SORCS3: variants seen among roughly 807,000 people sequenced by gnomAD.
SORCS3 encodes the protein VPS10 domain-containing receptor SorCS3.
A neutral mutation model predicts 146.3 loss-of-function variants in SORCS3; 57 were observed. The ratio of observed to expected loss-of-function variants is 0.39; its 90% CI spans 0.31 to 0.49. The LOEUF (loss-of-function observed/expected upper bound fraction) is 0.49. Among genes scored for constraint, SORCS3 ranks in the 20% least tolerant of loss-of-function variants. The probability of loss-of-function intolerance (pLI) is 0.92; values close to 1 mark genes in which losing one functional copy is unlikely to be tolerated. For synonymous variants in SORCS3, 653 were observed against 618.5 expected (o/e 1.06, Z -0.83); for missense variants, 1,341 against 1,575.5 (o/e 0.85, Z 2.52).
chr10:104,801,425 T>G (rs2017622691), intron 1 of SORCS3, among the ~76,000 whole-genome samples: 2 of 152,110 alleles, frequency 1.3e-5, no homozygotes, highest in Non-Finnish European at 2.9e-5. Flanking sequence ...AAAATGGGAG[T>G]AAGAATGTCT....
chr10:105,232,578 A>G (rs1480424772), intron 20 of SORCS3, among the ~76,000 whole-genome samples: 2 of 148,956 alleles, frequency 1.3e-5, no homozygotes, highest in Non-Finnish European at 3.0e-5. Flanking sequence ...TTTTCTGCTT[A>G]CCTTGGAGTT....
Position 105,217,032 on chromosome 10 carries a change from G to A in SORCS3, c.2644G>A (p.Val882Met), listed in dbSNP as rs369131118. 2.1e-5 allele frequency: 34 copies of A among 1,614,058 alleles called. No individual in the cohort carries two copies. The highest frequency in any genetic ancestry group is 1.8e-4 in the East Asian group (8 of 44,890). ...CCCCATCGAGGACGGCATCAAGCAC[G>A]TGTATAAGAGTGCGGGGATCTTCCA... Reference protein sequence around the residue: ...FSPIEDGIKHVYKSAGIFQVT... With the variant: ...FSPIEDGIKHMYKSAGIFQVT... Residue 882 changes from valine (V) to methionine (M), a missense_variant, in exon 19 of 27, where the codon GTG (valine) becomes ATG (methionine). Physicochemically the swap from Val to Met is conservative, Grantham distance 21. Coordinates refer to ENST00000369701, the MANE Select transcript of SORCS3 (RefSeq NM_014978.3).
Position 104,915,893 on chromosome 10 carries a change from C to G in SORCS3, c.756C>G (p.Val252=), listed in dbSNP as rs745635457. 6 of 1,614,006 alleles carry G rather than the reference C, an allele frequency of 3.7e-6. No homozygotes were observed. Among genetic ancestry groups the G allele is most frequent in the Non-Finnish European group, 4.2e-6 (5 of 1,179,980 alleles). Residue 252 remains valine, a synonymous_variant, in exon 3 of 27, where the codon GTC becomes GTG. Transcript: ENST00000369701. ...ATGACAAAGTGGGTTTGAAGACTGT[C>G]CTCAGTTACCTCTATGTCAATCCAA... ...KLNDKVGLKT[V]LSYLYVNPTN...
intron 18 of SORCS3, among the ~76,000 whole-genome samples, chr10:105,215,985 G>C (rs531977087): frequency 1.4e-5 from 2 of 140,778 alleles, no homozygotes; most frequent in Non-Finnish European, 3.1e-5. Flanking sequence ...ATGGTGGGGT[G>C]GGGGGGTGGG....
rs55880149 is a variant in SORCS3, at chr10:104,952,255, GAAAAAAAAAAAAAAAAAAA to G, written c.796-25066_796-25048del. Among the ~76,000 whole-genome samples, 3 of 40,608 alleles carry G rather than the reference GAAAAAAAAAAAAAAAAAAA, an allele frequency of 7.4e-5. No individual in the cohort carries two copies. In the Admixed American group the frequency reaches 1.4e-3, roughly 20 times the overall value. 26.6% of individuals were successfully genotyped at this position (40,608 alleles called of 152,430 possible). On this transcript the variant is annotated intron_variant, in intron 3 of 26. Transcript: ENST00000369701. ...GTGATTCTGGTGCACATGAATGTTT[GAAAAAAAAAAAAAAAAAAA>G]AAAAAAAAAAAAATCACAGCATGAC...
intron 1 of SORCS3, among the ~76,000 whole-genome samples, chr10:104,772,381 G>C (rs552500969): frequency 6.6e-6 from 1 of 152,150 alleles, no homozygotes; most frequent in Non-Finnish European, 1.5e-5. Context: ...ATTGATCCTA[G>C]GGGCCAGCTT....
At chr10:104,722,810 G>A (rs563453560) in intron 1 of SORCS3, among the ~76,000 whole-genome samples, 1 of 152,132 alleles carries the variant, frequency 6.6e-6, no homozygotes, top group South Asian at 2.1e-4. Context: ...TATTTCTGTG[G>A]GATCGGTGGT....
rs1027039186 is a variant in SORCS3 at position 105,223,214 on chromosome 10, C to G, written c.2833C>G (p.Leu945Val). The change falls in exon 20 of 27, where the codon CTT (leucine) becomes GTT (valine). Residue 945 changes from leucine to valine, a missense_variant. By Grantham distance (32) the Leu-to-Val change is conservative. Transcript: ENST00000369701. ...AVVWPSQLGT[L>V]TYFWWFGNST... ...CGTGTGGCCCAGTCAACTGGGGACC[C>G]TTACCTATTTCTGGTGGTTCGGCAA... The G allele has an allele frequency of 3.1e-6, 5 of 1,612,380 alleles. No homozygotes were observed. In the African/African-American group the frequency reaches 6.7e-5, roughly 22 times the overall value.
intron 2 of SORCS3, among the ~76,000 whole-genome samples, chr10:104,887,527 G>C (rs544880376): frequency 1.7e-4 from 26 of 152,274 alleles, no homozygotes; most frequent in African/African-American, 5.5e-4. Context: ...ACTTCCTCCT[G>C]GTGGCTTGTT....
chr10:105,049,974 A>C (rs1329551116), intron 5 of SORCS3, among the ~76,000 whole-genome samples: 4 of 152,064 alleles, frequency 2.6e-5, no homozygotes, highest in Non-Finnish European at 5.9e-5. Context: ...AGTTGACATT[A>C]AAAATAAATA....
At chr10:105,030,930 G>T (rs1245537253) in intron 4 of SORCS3, among the ~76,000 whole-genome samples, 1 of 151,984 alleles carries the variant, frequency 6.6e-6, no homozygotes, top group Non-Finnish European at 1.5e-5. Context: ...ATACAGGGAG[G>T]CTGAATGAAT....
At chr10:105,172,148 T>C (rs2056365462) in intron 13 of SORCS3, among the ~76,000 whole-genome samples, 1 of 152,198 alleles carries the variant, frequency 6.6e-6, no homozygotes. Context: ...GCTACAGAGT[T>C]ACGTATGATT....
At chr10:104,843,311 A>G (rs2018164739) in intron 2 of SORCS3, among the ~76,000 whole-genome samples, 1 of 152,194 alleles carries the variant, frequency 6.6e-6, no homozygotes, top group South Asian at 2.1e-4. Flanking sequence ...ACACATGGGA[A>G]GAGATACAGA....
At chr10:104,844,733 C>T (rs998434183) in intron 2 of SORCS3, among the ~76,000 whole-genome samples, 1 of 152,164 alleles carries the variant, frequency 6.6e-6, no homozygotes, top group Non-Finnish European at 1.5e-5. Context: ...AATGTCTTCT[C>T]TCACAGTTCT....
chr10:104,994,672 A>G (rs1304791860), intron 4 of SORCS3, among the ~76,000 whole-genome samples: 1 of 152,184 alleles, frequency 6.6e-6, no homozygotes, highest in Non-Finnish European at 1.5e-5. Flanking sequence ...ATGAGTTTGC[A>G]TTCTCTAGAA....
Position 105,092,938 on chromosome 10 carries a change from C to G in SORCS3, c.1093+3099C>G, listed in dbSNP as rs924098792. On this transcript the variant is annotated intron_variant, in intron 6 of 26. Transcript: ENST00000369701. The stretch of plus-strand genomic sequence containing the variant: ...ATGGCAGGAATATTTACTCTTAACA[C>G]TTTTATTCAACATTATGCTGAAAGT... Among the ~76,000 whole-genome samples, 12 of 152,126 alleles carry G rather than the reference C, an allele frequency of 7.9e-5. 1 individual carries two copies. Among genetic ancestry groups the G allele is most frequent in the Admixed American group, 5.9e-4 (9 of 15,276 alleles).
chr10:104,876,708 T>C (rs1399950078), intron 2 of SORCS3, among the ~76,000 whole-genome samples: 1 of 65,254 alleles, frequency 1.5e-5, no homozygotes, highest in Non-Finnish European at 2.9e-5. Flanking sequence ...CAGGTTTTCC[T>C]TCCTTCCTTC....
chr10:104,921,521 G>A (rs1435979175), intron 3 of SORCS3, among the ~76,000 whole-genome samples: 1 of 151,860 alleles, frequency 6.6e-6, no homozygotes, highest in African/African-American at 2.4e-5. Flanking sequence ...GTGTGTGTGT[G>A]TGTGTGTGTG....
At chr10:105,222,465 T>C (rs747786408) in intron 19 of SORCS3, among the ~76,000 whole-genome samples, 5 of 152,176 alleles carry the variant, frequency 3.3e-5, no homozygotes, top group African/African-American at 7.2e-5. Context: ...TACTTGCTAG[T>C]TTAGAATATC....
Sources: allele counts gnomAD v4.1 joint callset (sites outside exome capture counted in the v4.1 genomes callset), GRCh38; gene constraint gnomAD v4.1.1; transcripts MANE v1.5; gene names NCBI Gene and HGNC (gene_info 2026-07-23, HGNC 2026-07-21).